ROR2: variants seen among roughly 807,000 people sequenced by gnomAD.
ROR2 encodes the protein ROR family WNT receptor 2.
In ROR2, 33 loss-of-function variants were observed where a neutral mutation model predicts 74.9. That is an observed-to-expected ratio of 0.44 (90% confidence interval 0.33 to 0.59). The LOEUF (loss-of-function observed/expected upper bound fraction) is 0.59. ROR2 is among the 20% of genes least tolerant of loss of function. The pLI is 0.02. For missense variants in ROR2, 1,216 were observed against 1,313.8 expected (o/e 0.93, Z 1.15); for synonymous variants, 586 against 558.7 (o/e 1.05, Z -0.69).
chr9:91,767,467 T>C (rs889952988), intron 2 of ROR2, among the ~76,000 whole-genome samples: 3 of 152,220 alleles, frequency 2.0e-5, no homozygotes, highest in African/African-American at 7.2e-5. Context: ...CAGGTCACAC[T>C]GATCAGTCCA....
intron 1 of ROR2, among the ~76,000 whole-genome samples, chr9:91,949,490 A>T (rs1015380923): frequency 6.6e-6 from 1 of 151,734 alleles, no homozygotes; most frequent in African/African-American, 2.4e-5. Context: ...TCGGGGAGGA[A>T]GCCCGGGTCC....
At chr9:91,854,986 A>G (rs1051811456) in intron 1 of ROR2, among the ~76,000 whole-genome samples, 4 of 152,234 alleles carry the variant, frequency 2.6e-5, no homozygotes, top group Admixed American at 1.3e-4. Flanking sequence ...AAATGAAAAG[A>G]CACATCAATA....
chr9:91,801,926 T>G (rs73513266), intron 1 of ROR2, among the ~76,000 whole-genome samples: 15,181 of 152,160 alleles, frequency 0.1, 1,271 homozygotes, highest in East Asian at 0.3. Flanking sequence ...GCACAGCAGG[T>G]TCTCAGCGTC....
intron 1 of ROR2, among the ~76,000 whole-genome samples, chr9:91,946,646 G>C (rs1832021016): frequency 6.6e-6 from 1 of 152,232 alleles, no homozygotes; most frequent in African/African-American, 2.4e-5. Flanking sequence ...TATATAATTA[G>C]AACTCTCCAA....
At chr9:91,941,932 A>AG (rs56057700) in intron 1 of ROR2, among the ~76,000 whole-genome samples, 41,902 of 151,924 alleles carry the variant, frequency 0.28, 6,100 homozygotes, top group Non-Finnish European at 0.32. Flanking sequence ...CTGGAATTAC[A>AG]GGCACATGTC....
intron 1 of ROR2, among the ~76,000 whole-genome samples, chr9:91,901,938 A>G (rs1830688303): frequency 6.6e-6 from 1 of 152,124 alleles, no homozygotes; most frequent in South Asian, 2.1e-4. Flanking sequence ...CCTACCCTCA[A>G]TTCTGGAGCA....
At chr9:91,806,612 C>CA (rs1330450650) in intron 1 of ROR2, among the ~76,000 whole-genome samples, 2 of 151,322 alleles carry the variant, frequency 1.3e-5, no homozygotes, top group East Asian at 3.9e-4. Flanking sequence ...TTGTTTGTGA[C>CA]AGAGTCTCGC....
chr9:91,912,189 G>A (rs1358988936), intron 1 of ROR2, among the ~76,000 whole-genome samples: 5 of 152,188 alleles, frequency 3.3e-5, no homozygotes, highest in Admixed American at 1.3e-4. Flanking sequence ...AGTATCACTA[G>A]TATACCAATA....
At chr9:91,793,462 T>C (rs924149173) in intron 1 of ROR2, among the ~76,000 whole-genome samples, 4 of 151,606 alleles carry the variant, frequency 2.6e-5, no homozygotes, top group Non-Finnish European at 2.9e-5. Flanking sequence ...TACAAAACCA[T>C]GAGTGAACAG....
chr9:91,810,999 A>C (rs1324703186), intron 1 of ROR2, among the ~76,000 whole-genome samples: 1 of 152,236 alleles, frequency 6.6e-6, no homozygotes. Context: ...CAGAAACTAT[A>C]AGATGCAGTT....
chr9:91,756,175 A>G, intron 3 of ROR2, 74 bp from the exon 4 acceptor site: 1 of 1,483,314 alleles, frequency 6.7e-7, no homozygotes, highest in Middle Eastern at 1.7e-4. Flanking sequence ...AAATCAGGCC[A>G]GTGGCAAACA....
intron 1 of ROR2, among the ~76,000 whole-genome samples, chr9:91,824,768 G>A (rs1041124190): frequency 1.3e-5 from 2 of 152,170 alleles, no homozygotes; most frequent in South Asian, 2.1e-4. Flanking sequence ...TCTCCCAGGC[G>A]GGACATGGAA....
chr9:91,756,743 C>CTTTTTTT (rs557043787), intron 3 of ROR2, among the ~76,000 whole-genome samples: 5 of 104,064 alleles, frequency 4.8e-5, no homozygotes, highest in Non-Finnish European at 7.7e-5. Context: ...TTTTTGTTCT[C>CTTTTTTT]TTTTTTTTTT....
chr9:91,759,587 T>A (rs1454819861), intron 2 of ROR2, among the ~76,000 whole-genome samples: 1 of 152,168 alleles, frequency 6.6e-6, no homozygotes, highest in Non-Finnish European at 1.5e-5. Flanking sequence ...ATCCCATGTC[T>A]TTGTTTCTCT....
intron 1 of ROR2, among the ~76,000 whole-genome samples, chr9:91,910,007 G>A (rs749611849): frequency 2.6e-5 from 4 of 151,232 alleles, no homozygotes; most frequent in Non-Finnish European, 5.9e-5. Flanking sequence ...GACTACAGGC[G>A]CCCACCACCA....
chr9:91,885,462 C>G (rs1830243761), intron 1 of ROR2, among the ~76,000 whole-genome samples: 1 of 152,194 alleles, frequency 6.6e-6, no homozygotes, highest in Non-Finnish European at 1.5e-5. Flanking sequence ...ATTCCTTGCA[C>G]AGAGTGGAGG....
At chr9:91,914,965 C>A (rs555348119) in intron 1 of ROR2, among the ~76,000 whole-genome samples, 17 of 141,230 alleles carry the variant, frequency 1.2e-4, no homozygotes, top group African/African-American at 4.2e-4. Flanking sequence ...GGGTCCATCA[C>A]CCCTGTCAGA....
chr9:91,894,849 G>A (rs56119295), intron 1 of ROR2, among the ~76,000 whole-genome samples: 9,738 of 152,218 alleles, frequency 0.064, 510 homozygotes, highest in African/African-American at 0.13. Flanking sequence ...AAAATGGTAC[G>A]GCCACTGAGG....
rs555610367 is a variant in ROR2 at position 91,770,619 on chromosome 9, A to C, written c.175+5122T>G. On this transcript the variant is annotated intron_variant, in intron 2 of 8. Coordinates refer to ENST00000375708, the MANE Select transcript of ROR2 (RefSeq NM_004560.4). ...TTCATCATGCCCAGTCTGTAGATTC[A>C]GAAACTGGAGCCTGAAAAGTAACTT... 3.9e-5 allele frequency among the ~76,000 whole-genome samples: 6 copies of C among 152,366 alleles called. No homozygotes were observed. The East Asian group carries it at 9.6e-4, about 24-fold the overall frequency.
Sources: allele counts gnomAD v4.1 joint callset (sites outside exome capture counted in the v4.1 genomes callset), GRCh38; gene constraint gnomAD v4.1.1; transcripts MANE v1.5; gene names NCBI Gene and HGNC (gene_info 2026-07-23, HGNC 2026-07-21).